PRSS41: variants seen among roughly 807,000 people sequenced by gnomAD.
The protein encoded by PRSS41 is protease, serine 41.
Under a neutral mutation model 28.8 loss-of-function variants are expected in PRSS41, and 37 were observed. The ratio of observed to expected loss-of-function variants is 1.29; its 90% CI spans 0.99 to 1.69. The LOEUF is 1.69. PRSS41 is among the 40% of genes most tolerant of loss of function. The probability of loss-of-function intolerance (pLI) is 0.00; values close to 1 mark genes in which losing one functional copy is unlikely to be tolerated. For synonymous variants in PRSS41, 195 were observed against 163.1 expected, an observed-to-expected ratio of 1.20 and a Z score of -1.49; for missense variants, 431 against 400.7, an observed-to-expected ratio of 1.08 and a Z score of -0.65.
At chr16:2,804,859 C>A in intron 5 of PRSS41, 55 bp from the exon 6 acceptor site, 1 of 1,391,972 alleles carries the variant, frequency 7.2e-7, no homozygotes, top group South Asian at 1.2e-5. Flanking sequence ...CTCTCATGGC[C>A]TCTGCTGCCC....
exon 6 of PRSS41, chr16:2,805,245 G>T: frequency 1.3e-6 from 1 of 772,230 alleles, no homozygotes; most frequent in Non-Finnish European, 2.1e-6. Flanking sequence ...GGGACTGCCT[G>T]CTGGATCAGA....
At chr16:2,800,309 G>A (rs1047758838) in intron 4 of PRSS41, among the ~76,000 whole-genome samples, 8 of 152,152 alleles carry the variant, frequency 5.3e-5, no homozygotes, top group Non-Finnish European at 1.2e-4. Context: ...GGGAGGCCGA[G>A]GCAGGTGAAT....
At chr16:2,799,237 G>T in intron 3 of PRSS41, 49 bp from the exon 4 acceptor site, 1 of 1,539,264 alleles carries the variant, frequency 6.5e-7, no homozygotes, top group Non-Finnish European at 8.8e-7. Context: ...GTGCTCAGGC[G>T]GCCAGCCCCC....
At chr16:2,803,021 G>A (rs1346630639) in intron 4 of PRSS41, among the ~76,000 whole-genome samples, 3 of 152,110 alleles carry the variant, frequency 2.0e-5, no homozygotes, top group Non-Finnish European at 2.9e-5. Flanking sequence ...TTCAGCCTGT[G>A]TGTTTCACTG....
chr16:2,802,035 C>G (rs979695169), intron 4 of PRSS41, among the ~76,000 whole-genome samples: 4 of 148,572 alleles, frequency 2.7e-5, no homozygotes, highest in African/African-American at 9.8e-5. Context: ...CCCCCCACCT[C>G]CCTCCCGGAC....
intron 4 of PRSS41, among the ~76,000 whole-genome samples, chr16:2,802,618 G>A (rs1328038273): frequency 2.6e-5 from 4 of 152,350 alleles, no homozygotes; most frequent in South Asian, 4.1e-4. Context: ...ACCAGACTCC[G>A]TCTGCAATCC....
chr16:2,799,729 C>T (rs1166581969), intron 4 of PRSS41, among the ~76,000 whole-genome samples, 160 bp downstream of exon 4: 2 of 152,368 alleles, frequency 1.3e-5, no homozygotes, highest in African/African-American at 2.4e-5. Context: ...CTTTTCTGCT[C>T]TCACTGCCAC....
intron 4 of PRSS41, among the ~76,000 whole-genome samples, chr16:2,801,964 G>C (rs1215384347): frequency 6.5e-5 from 9 of 138,630 alleles, no homozygotes; most frequent in Non-Finnish European, 1.3e-4. Flanking sequence ...CTGGCCGGGC[G>C]GGGGGCTGAC....
At chr16:2,799,238 G>C in intron 3 of PRSS41, 48 bp from the exon 4 acceptor site, 1 of 1,539,888 alleles carries the variant, frequency 6.5e-7, no homozygotes, top group Non-Finnish European at 8.8e-7. Context: ...TGCTCAGGCG[G>C]CCAGCCCCCT....
chr16:2,804,335 T>C, intron 4 of PRSS41, 54 bp from the exon 5 acceptor site: 1 of 1,534,918 alleles, frequency 6.5e-7, no homozygotes, highest in Non-Finnish European at 8.8e-7. Flanking sequence ...CTCTCCCTGC[T>C]CCAGATAGCA....
chr16:2,802,255 C>A (rs1204012956), intron 4 of PRSS41, among the ~76,000 whole-genome samples: 1 of 146,840 alleles, frequency 6.8e-6, no homozygotes, highest in Non-Finnish European at 1.5e-5. Context: ...GGCGGCGGGG[C>A]AGAGGCGCTC....
At chr16:2,799,563 A>C in exon 4 of PRSS41, 1 of 1,551,340 alleles carries the variant, frequency 6.4e-7, no homozygotes, top group East Asian at 2.4e-5. Context: ...AATCAGCCCC[A>C]GTGGCAGTGA....
At chr16:2,798,505 G>T in exon 1 of PRSS41, 1 of 1,309,740 alleles carries the variant, frequency 7.6e-7, no homozygotes. Flanking sequence ...GCGGGGCGCT[G>T]CTGCTGGCGC....
rs753192064 is a variant in PRSS41, at chr16:2,798,655, G to T, written c.84G>T (p.Leu28=). Residue 28 remains leucine, a synonymous_variant, in exon 2 of 6, where the codon CTG becomes CTT. Transcript: ENST00000399677. Reference sequence around the variant, plus strand: ...CTGCAGAGTCGCAGGAGGAGGAGCTGTTGTCAGGTAGGGCGCCCAGGACGC... The same window carrying T: ...CTGCAGAGTCGCAGGAGGAGGAGCTTTTGTCAGGTAGGGCGCCCAGGACGC... 1.3e-5 allele frequency: 20 copies of T among 1,482,926 alleles called. No individual in the cohort carries two copies. In the African/African-American group the frequency reaches 2.5e-4, roughly 19 times the overall value. 91.9% of individuals were successfully genotyped at this position (1,482,926 alleles called of 1,614,324 possible).
At chr16:2,804,979 C>A (rs1411255459) in exon 6 of PRSS41, 2 of 1,586,792 alleles carry the variant, frequency 1.3e-6, no homozygotes, top group Middle Eastern at 1.7e-4. Context: ...GAATCGTGAG[C>A]TGGGGAATGG....
chr16:2,805,052 C>G, exon 6 of PRSS41: 1 of 1,553,758 alleles, frequency 6.4e-7, no homozygotes, highest in Non-Finnish European at 8.7e-7. Flanking sequence ...CCACTGGATC[C>G]GGAGGGTGAT....
At chr16:2,802,301 G>T (rs1888564564) in intron 4 of PRSS41, among the ~76,000 whole-genome samples, 3 of 149,204 alleles carry the variant, frequency 2.0e-5, no homozygotes, top group South Asian at 2.1e-4. Flanking sequence ...GGGCAGAGAC[G>T]CTCCTCACTT....
At chr16:2,798,481 G>A (rs1210274262), upstream of PRSS41, 4 of 1,501,894 alleles carry the variant, frequency 2.7e-6, no homozygotes, top group East Asian at 5.3e-5. Context: ...CGGGAGAGGA[G>A]GCCATGGGCG....
intron 2 of PRSS41, 102 bp downstream of exon 2, chr16:2,798,764 C>T: frequency 8.0e-7 from 1 of 1,250,824 alleles, no homozygotes; most frequent in Non-Finnish European, 1.1e-6. Flanking sequence ...ACGTGATGCT[C>T]TCAAGTAACT....
Sources: gnomAD v4.1 joint callset for allele counts (sites outside exome capture counted in the v4.1 genomes callset) on GRCh38, gnomAD v4.1.1 for gene constraint, MANE v1.5 for transcripts, NCBI Gene and HGNC (gene_info 2026-07-23, HGNC 2026-07-21) for gene names.